EXOC6: variants seen among roughly 807,000 people sequenced by gnomAD.
The protein encoded by EXOC6 is exocyst complex component 6.
A neutral mutation model predicts 112.5 loss-of-function variants in EXOC6; 60 were observed. The observed-to-expected ratio is 0.53, with a 90% confidence interval of 0.43 to 0.66. The LOEUF (loss-of-function observed/expected upper bound fraction) is 0.66, where lower values mean the gene tolerates loss of function less well. EXOC6 is among the 30% of genes least tolerant of loss of function. EXOC6 has a pLI of 0.00. For missense variants in EXOC6, 855 were observed against 957.1 expected, an observed-to-expected ratio of 0.89 and a Z score of 1.41; for synonymous variants, 295 against 308.0, an observed-to-expected ratio of 0.96 and a Z score of 0.44.
chr10:92,858,248 A>G (rs940882844), intron 1 of EXOC6, among the ~76,000 whole-genome samples: 3 of 151,956 alleles, frequency 2.0e-5, no homozygotes, highest in East Asian at 3.9e-4. Flanking sequence ...ATCTTCTTAG[A>G]TATGTAGGTT....
intron 1 of EXOC6, among the ~76,000 whole-genome samples, chr10:92,842,575 T>C (rs1303568728): frequency 1.3e-5 from 2 of 151,548 alleles, no homozygotes; most frequent in Non-Finnish European, 2.9e-5. Flanking sequence ...AAAGGAAGGC[T>C]AAGCAGGGAA....
chr10:92,855,536 TTTTCTTTG>T (rs1469806599), intron 1 of EXOC6, among the ~76,000 whole-genome samples: 1 of 152,180 alleles, frequency 6.6e-6, no homozygotes, highest in Non-Finnish European at 1.5e-5. Context: ...GCCATGTGTA[TTTTCTTTG>T]TTGGGAAGTT....
chr10:93,019,926 G>T lies in EXOC6; in HGVS notation c.2169+5659G>T, dbSNP rs75123997. Among the ~76,000 whole-genome samples the T allele has an allele frequency of 6.4e-3, 968 of 152,258 alleles. 18 individuals are homozygous for T. The highest frequency in any genetic ancestry group is 0.022 in the African/African-American group (917 of 41,534). On this transcript the variant is annotated intron_variant, in intron 20 of 21. Transcript: ENST00000260762. Reference sequence around the variant, plus strand: ...ATTCCTTATTAAAAGTTCCAGTGAAGTCCGTTTTTAAAAAGTCCATATGGT... The same window carrying T: ...ATTCCTTATTAAAAGTTCCAGTGAATTCCGTTTTTAAAAAGTCCATATGGT...
intron 7 of EXOC6, among the ~76,000 whole-genome samples, chr10:92,917,646 TC>T (rs1851176424): frequency 6.6e-6 from 1 of 151,674 alleles, no homozygotes; most frequent in Non-Finnish European, 1.5e-5. Context: ...CACTTCAGTC[TC>T]CCAAGTAGCT....
intron 19 of EXOC6, among the ~76,000 whole-genome samples, chr10:93,012,919 A>G (rs1395567121): frequency 6.6e-6 from 1 of 152,086 alleles, no homozygotes; most frequent in Non-Finnish European, 1.5e-5. Context: ...GTGGAGATGC[A>G]TGCCTGTAGT....
intron 9 of EXOC6, among the ~76,000 whole-genome samples, 166 bp downstream of exon 9, chr10:92,928,588 A>G (rs1851849731): frequency 6.6e-6 from 1 of 152,124 alleles, no homozygotes; most frequent in Non-Finnish European, 1.5e-5. Context: ...CAGTGAACCA[A>G]ATAGATAAGT....
At chr10:92,989,798 G>A (rs1843157834) in intron 18 of EXOC6, among the ~76,000 whole-genome samples, 1 of 152,202 alleles carries the variant, frequency 6.6e-6, no homozygotes, top group Non-Finnish European at 1.5e-5. Flanking sequence ...TCAGTTTAAG[G>A]AGGCAGGGAC....
intron 18 of EXOC6, among the ~76,000 whole-genome samples, chr10:92,992,162 G>T (rs994095264): frequency 6.6e-6 from 1 of 151,902 alleles, no homozygotes; most frequent in African/African-American, 2.4e-5. Flanking sequence ...GATGGCAGAT[G>T]CCTGTAATCC....
At chr10:92,828,168 T>C (rs972199745) in intron 1 of EXOC6, among the ~76,000 whole-genome samples, 1 of 152,206 alleles carries the variant, frequency 6.6e-6, no homozygotes, top group Non-Finnish European at 1.5e-5. Flanking sequence ...TCCGCAAATA[T>C]CAATTTTTCT....
chr10:92,920,942 T>C (rs1851402907), intron 8 of EXOC6, among the ~76,000 whole-genome samples: 1 of 152,246 alleles, frequency 6.6e-6, no homozygotes, highest in Admixed American at 6.5e-5. Context: ...AGCATGTTTT[T>C]CCCCATCCTT....
chr10:93,001,828 A>C (rs1053769607), intron 19 of EXOC6, among the ~76,000 whole-genome samples: 1 of 152,192 alleles, frequency 6.6e-6, no homozygotes, highest in South Asian at 2.1e-4. Flanking sequence ...ACATGTCTCT[A>C]AATCTTCTGA....
chr10:92,938,025 T>C (rs1852447476), intron 12 of EXOC6, among the ~76,000 whole-genome samples: 1 of 152,124 alleles, frequency 6.6e-6, no homozygotes, highest in Admixed American at 6.6e-5. Context: ...TTTTTTTCAA[T>C]ATAGGTAGCA....
intron 6 of EXOC6, among the ~76,000 whole-genome samples, chr10:92,914,399 T>C (rs1330826787): frequency 6.6e-6 from 1 of 152,254 alleles, no homozygotes; most frequent in Non-Finnish European, 1.5e-5. Flanking sequence ...TTTCTTTACT[T>C]ATGAATTGTA....
At chr10:92,890,445 T>G (rs1466847498) in intron 1 of EXOC6, among the ~76,000 whole-genome samples, 2 of 152,176 alleles carry the variant, frequency 1.3e-5, no homozygotes, top group African/African-American at 2.4e-5. Flanking sequence ...TGTTATATGA[T>G]AGACACTATT....
chr10:92,949,655 C>T (rs1402626608), intron 14 of EXOC6, among the ~76,000 whole-genome samples: 1 of 149,410 alleles, frequency 6.7e-6, no homozygotes, highest in Non-Finnish European at 1.5e-5. Flanking sequence ...TGCAATGGTG[C>T]CATCTCGGCT....
At chr10:92,894,639 AT>A in intron 2 of EXOC6, among the ~76,000 whole-genome samples, 154 bp from the exon 3 acceptor site, 1 of 152,196 alleles carries the variant, frequency 6.6e-6, no homozygotes, top group Non-Finnish European at 1.5e-5. Flanking sequence ...GCCCTTTTCA[AT>A]CAAAAGTTCA....
intron 14 of EXOC6, among the ~76,000 whole-genome samples, chr10:92,950,449 A>T (rs1425065012): frequency 6.6e-6 from 1 of 152,202 alleles, no homozygotes; most frequent in Non-Finnish European, 1.5e-5. Flanking sequence ...AATAATTTCA[A>T]ATATTTTTCA....
chr10:92,892,211 AAAC>A (rs146309265), intron 1 of EXOC6, among the ~76,000 whole-genome samples: 9,750 of 152,212 alleles, frequency 0.064, 633 homozygotes, highest in African/African-American at 0.16. Context: ...GTTACAGCAA[AAAC>A]AACAACAACA....
At chr10:92,916,122 T>A (rs1229917320) in intron 7 of EXOC6, 5 of 390,188 alleles carry the variant, frequency 1.3e-5, no homozygotes, top group African/African-American at 1.1e-4. Flanking sequence ...ACGATTAGCC[T>A]GGTATCAGGA....
Sources: gnomAD v4.1 joint callset for allele counts (sites outside exome capture counted in the v4.1 genomes callset) on GRCh38, gnomAD v4.1.1 for gene constraint, MANE v1.5 for transcripts, NCBI Gene and HGNC (gene_info 2026-07-23, HGNC 2026-07-21) for gene names.